Variants in LRRTM4 observed in about 807,000 individuals in gnomAD.
LRRTM4 encodes leucine-rich repeat transmembrane neuronal protein 4.
Under a neutral mutation model 47.6 loss-of-function variants are expected in LRRTM4, and 25 were observed. The ratio of observed to expected loss-of-function variants is 0.53; its 90% confidence interval spans 0.38 to 0.73. LRRTM4 has a LOEUF of 0.73. Ranked by LOEUF, LRRTM4 falls within the 30% of genes least tolerant of loss-of-function variation. LRRTM4 has a pLI of 0.00. For synonymous variants in LRRTM4, 311 were observed against 269.5 expected (o/e 1.15, Z -1.51); for missense variants, 638 against 713.4 (o/e 0.89, Z 1.20).
chr2:76,890,093 C>A (rs1673203859), intron 3 of LRRTM4, among the ~76,000 whole-genome samples: 1 of 151,790 alleles, frequency 6.6e-6, no homozygotes, highest in South Asian at 2.1e-4. Context: ...CTGTAGCACA[C>A]ACACTATCAA....
chr2:77,507,874 G>C (rs1164911700), intron 3 of LRRTM4, among the ~76,000 whole-genome samples: 2 of 152,026 alleles, frequency 1.3e-5, no homozygotes, highest in African/African-American at 4.8e-5. Flanking sequence ...CATGACGACA[G>C]CAAAGTCAAA....
At chr2:77,521,603 C>A (rs1353719464) in intron 2 of LRRTM4, 65 bp downstream of exon 2, 2 of 1,597,962 alleles carry the variant, frequency 1.3e-6, no homozygotes, top group Non-Finnish European at 1.7e-6. Flanking sequence ...GCTAATGCCA[C>A]GACTGAGGAT....
At chr2:76,856,916 G>T (rs1672168014) in intron 3 of LRRTM4, among the ~76,000 whole-genome samples, 1 of 151,672 alleles carries the variant, frequency 6.6e-6, no homozygotes, top group Admixed American at 6.6e-5. Flanking sequence ...AAACAAACAT[G>T]TATTTCTTCT....
intron 3 of LRRTM4, among the ~76,000 whole-genome samples, chr2:77,290,630 G>A (rs1676797214): frequency 6.6e-6 from 1 of 151,868 alleles, no homozygotes; most frequent in Non-Finnish European, 1.5e-5. Context: ...GAGGTATTCT[G>A]TGCTTGTATC....
Position 76,807,384 on chromosome 2 carries a change from A to T in LRRTM4, c.1552-58468T>A, listed in dbSNP as rs1230994266. 7.3e-5 allele frequency among the ~76,000 whole-genome samples: 6 copies of T among 82,582 alleles called. No homozygotes were observed. In the East Asian group the frequency reaches 1.6e-3, roughly 23 times the overall value. 54.2% of individuals were successfully genotyped at this position (82,582 alleles called of 152,430 possible). A position where few individuals can be genotyped will look rare whatever the true frequency, so the allele number is the denominator to read the frequency against. ...AATATGCATTATAAACATTCATTTTATATATATATATATATGTATATACGT... is the reference window on the plus strand; with the variant it reads ...AATATGCATTATAAACATTCATTTTTTATATATATATATATGTATATACGT... On this transcript the variant is annotated intron_variant, in intron 3 of 3. Coordinates refer to ENST00000409884, the MANE Select transcript of LRRTM4 (RefSeq NM_001134745.3).
chr2:76,779,228 G>A (rs1043355084), intron 3 of LRRTM4, among the ~76,000 whole-genome samples: 2 of 152,118 alleles, frequency 1.3e-5, no homozygotes, highest in African/African-American at 4.8e-5. Context: ...TGAAAAAAAT[G>A]TATATTGTGT....
chr2:77,455,269 T>C (rs1054508301), intron 3 of LRRTM4, among the ~76,000 whole-genome samples: 3 of 152,218 alleles, frequency 2.0e-5, no homozygotes, highest in African/African-American at 7.2e-5. Context: ...GAGACTATCG[T>C]ATTATTTTCA....
At position 76,778,527 on chromosome 2, in the gene LRRTM4, G is replaced by T. The variant is rs1287944506; in HGVS notation, c.1552-29611C>A. Among the ~76,000 whole-genome samples, 3 of 150,946 alleles carry T rather than the reference G, an allele frequency of 2.0e-5. No individual in the cohort carries two copies. In the South Asian group the frequency reaches 6.2e-4, roughly 31 times the overall value. ...TCGAGGAATTTATCCATTTCTTGTA[G>T]ATTTTCTAGTTTATTTGCGTAGAGG... On this transcript the variant is annotated intron_variant, in intron 3 of 3. Coordinates refer to ENST00000409884, the MANE Select transcript of LRRTM4 (RefSeq NM_001134745.3).
chr2:76,822,555 T>G (rs1314921900), intron 3 of LRRTM4, among the ~76,000 whole-genome samples: 2 of 151,510 alleles, frequency 1.3e-5, no homozygotes. Context: ...GGCAAAAAGC[T>G]CATTATATTC....
intron 3 of LRRTM4, among the ~76,000 whole-genome samples, chr2:77,438,953 C>T (rs2103923671): frequency 6.6e-6 from 1 of 152,240 alleles, no homozygotes. Context: ...TTGAACTATA[C>T]TTAACAACAA....
intron 3 of LRRTM4, among the ~76,000 whole-genome samples, chr2:76,837,822 A>T (rs917901900): frequency 6.6e-6 from 1 of 152,088 alleles, no homozygotes; most frequent in African/African-American, 2.4e-5. Flanking sequence ...CATTCTCAGT[A>T]AACTATTGCA....
intron 3 of LRRTM4, among the ~76,000 whole-genome samples, chr2:77,089,567 A>G (rs1168539243): frequency 6.6e-6 from 1 of 151,770 alleles, no homozygotes; most frequent in African/African-American, 2.4e-5. Flanking sequence ...CTGGAAGGTA[A>G]GAACCCCCGA....
chr2:76,785,296 TAAAAGCCCATGAAACAAGA>T (rs1182175360), intron 3 of LRRTM4, among the ~76,000 whole-genome samples: 2 of 152,088 alleles, frequency 1.3e-5, no homozygotes, highest in Non-Finnish European at 2.9e-5. Flanking sequence ...GCTCCTCAAG[TAAAAGCCCATGAAACAAGA>T]TCTGATAAAA....
chr2:77,486,186 C>A (rs1005468149), intron 3 of LRRTM4, among the ~76,000 whole-genome samples: 1 of 152,166 alleles, frequency 6.6e-6, no homozygotes, highest in Non-Finnish European at 1.5e-5. Flanking sequence ...ATATCCATTT[C>A]TTTCCAATTC....
At chr2:76,979,769 T>G (rs550113204) in intron 3 of LRRTM4, among the ~76,000 whole-genome samples, 3 of 151,784 alleles carry the variant, frequency 2.0e-5, no homozygotes, top group South Asian at 2.1e-4. Flanking sequence ...ATGTGAGTAT[T>G]TGAAGATGTT....
intron 3 of LRRTM4, among the ~76,000 whole-genome samples, chr2:76,755,133 A>G (rs368051411): frequency 6.6e-6 from 1 of 152,182 alleles, no homozygotes; most frequent in Non-Finnish European, 1.5e-5. Context: ...TCATTAATAC[A>G]TGAAAAGATC....
intron 3 of LRRTM4, among the ~76,000 whole-genome samples, chr2:77,320,291 A>G (rs1289289398): frequency 1.3e-5 from 2 of 152,222 alleles, no homozygotes; most frequent in Non-Finnish European, 2.9e-5. Context: ...AAGTAGTCTC[A>G]TATTACAACT....
chr2:76,805,955 A>G (rs1051389794), intron 3 of LRRTM4, among the ~76,000 whole-genome samples: 3 of 152,116 alleles, frequency 2.0e-5, no homozygotes, highest in African/African-American at 4.8e-5. Context: ...CCTGATTTCT[A>G]TCTCGAAGGA....
intron 3 of LRRTM4, among the ~76,000 whole-genome samples, chr2:76,925,883 G>T (rs1674574939): frequency 6.6e-6 from 1 of 152,172 alleles, no homozygotes; most frequent in South Asian, 2.1e-4. Context: ...TATAATGAAA[G>T]CATCCTAAAA....
Sources: gnomAD v4.1 joint callset for allele counts (sites outside exome capture counted in the v4.1 genomes callset) on GRCh38, gnomAD v4.1.1 for gene constraint, MANE v1.5 for transcripts, NCBI Gene and HGNC (gene_info 2026-07-23, HGNC 2026-07-21) for gene names.